The following TMCC1 variants were observed in gnomAD, a reference collection of about 807,000 sequenced individuals.
TMCC1 encodes the protein transmembrane and coiled-coil domains protein 1.
Under a neutral mutation model 52.4 loss-of-function variants are expected in TMCC1, and 15 were observed. That is an observed-to-expected ratio of 0.29 (90% CI 0.19 to 0.44). TMCC1 has a LOEUF of 0.44. TMCC1 is among the 20% of genes least tolerant of loss of function. TMCC1 has a pLI of 1.00. For missense variants in TMCC1, 503 were observed against 806.0 expected, an observed-to-expected ratio of 0.62 and a Z score of 4.55; for synonymous variants, 279 against 301.9, an observed-to-expected ratio of 0.92 and a Z score of 0.79.
chr3:129,845,579 T>C (rs1392578342), intron 2 of TMCC1, among the ~76,000 whole-genome samples: 2 of 152,254 alleles, frequency 1.3e-5, no homozygotes, highest in South Asian at 2.1e-4. Flanking sequence ...ATATATACTA[T>C]CAAAACAAAT....
chr3:129,875,515 A>G (rs909074897), intron 2 of TMCC1, among the ~76,000 whole-genome samples: 1 of 150,160 alleles, frequency 6.7e-6, no homozygotes, highest in East Asian at 1.9e-4. Flanking sequence ...AAAAAAAAAA[A>G]ACAACACAAA....
intron 4 of TMCC1, among the ~76,000 whole-genome samples, chr3:129,730,923 C>T (rs938838321): frequency 4.6e-5 from 7 of 152,182 alleles, no homozygotes; most frequent in African/African-American, 1.7e-4. Flanking sequence ...TGTGGTTTCA[C>T]TAAATTCTAC....
intron 4 of TMCC1, among the ~76,000 whole-genome samples, chr3:129,743,177 G>GGTCCCCT (rs1365027534): frequency 6.6e-6 from 1 of 152,120 alleles, no homozygotes; most frequent in Non-Finnish European, 1.5e-5. Context: ...GAGGTGTATG[G>GGTCCCCT]TATAAGAATT....
At chr3:129,883,236 C>T (rs968483434) in intron 1 of TMCC1, among the ~76,000 whole-genome samples, 21 of 152,148 alleles carry the variant, frequency 1.4e-4, no homozygotes, top group Non-Finnish European at 1.2e-4. Flanking sequence ...CGCTTGAACC[C>T]GGGAGGCGGA....
At chr3:129,726,239 T>A (rs74900042) in intron 4 of TMCC1, among the ~76,000 whole-genome samples, 1 of 152,304 alleles carries the variant, frequency 6.6e-6, no homozygotes, top group Non-Finnish European at 1.5e-5. Context: ...TAGAAGGGCT[T>A]CGTATTTATT....
At chr3:129,776,831 C>T (rs913233857) in intron 4 of TMCC1, among the ~76,000 whole-genome samples, 1 of 152,058 alleles carries the variant, frequency 6.6e-6, no homozygotes, top group African/African-American at 2.4e-5. Flanking sequence ...GATGGGTTCT[C>T]ACTATATTGC....
intron 4 of TMCC1, among the ~76,000 whole-genome samples, chr3:129,772,116 T>G (rs1007702878): frequency 1.3e-5 from 2 of 152,176 alleles, no homozygotes; most frequent in Non-Finnish European, 2.9e-5. Flanking sequence ...CCCACCACTT[T>G]GGAAGGCCAA....
At chr3:129,661,531 C>A (rs772376485) in intron 5 of TMCC1, among the ~76,000 whole-genome samples, 3 of 152,160 alleles carry the variant, frequency 2.0e-5, no homozygotes, top group Non-Finnish European at 4.4e-5. Flanking sequence ...TTGGCTTGTG[C>A]CTGTTATTAG....
intron 4 of TMCC1, among the ~76,000 whole-genome samples, chr3:129,732,573 A>T (rs2050628271): frequency 6.6e-6 from 1 of 152,144 alleles, no homozygotes; most frequent in South Asian, 2.1e-4. Context: ...GGTCAATGGG[A>T]TTCCCCTTTC....
intron 4 of TMCC1, among the ~76,000 whole-genome samples, chr3:129,823,655 C>A (rs746230992): frequency 6.6e-6 from 1 of 151,958 alleles, no homozygotes; most frequent in African/African-American, 2.4e-5. Flanking sequence ...AACAAAAAAA[C>A]AGTCTGCAAT....
Position 129,828,178 on chromosome 3 carries a change from T to C in TMCC1, c.201A>G (p.Pro67=). Residue 67 remains proline, a synonymous_variant, in exon 4 of 7, where the codon CCA becomes CCG. Coordinates refer to ENST00000393238, the MANE Select transcript of TMCC1 (RefSeq NM_001017395.5). The surrounding 1 kb of genome is among the most constrained non-coding windows in gnomAD (Gnocchi z 4.1). ...QHQRRRSSVS[P]HDVQQIQADP... The stretch of plus-strand genomic sequence containing the variant: ...CTGCCTGAATTTGCTGCACATCATG[T>C]GGAGACACTGATGACCTCCTGCGCT... The C allele has an allele frequency of 6.2e-7, 1 of 1,614,164 alleles. No individual in the cohort carries two copies. The highest frequency in any genetic ancestry group is 1.1e-5 in the South Asian group (1 of 91,080).
chr3:129,723,352 ATC>A (rs1457294233), intron 4 of TMCC1, among the ~76,000 whole-genome samples: 2 of 142,238 alleles, frequency 1.4e-5, no homozygotes, highest in Non-Finnish European at 3.0e-5. Flanking sequence ...GCACTAAGAA[ATC>A]TTTTTCTTTT....
chr3:129,727,576 C>T (rs2050204298), intron 4 of TMCC1, among the ~76,000 whole-genome samples: 1 of 152,122 alleles, frequency 6.6e-6, no homozygotes, highest in African/African-American at 2.4e-5. Context: ...AAATAACAGG[C>T]AATCTTCAAT....
intron 4 of TMCC1, among the ~76,000 whole-genome samples, chr3:129,721,598 T>C (rs995348587): frequency 1.3e-5 from 2 of 151,094 alleles, no homozygotes; most frequent in Admixed American, 6.6e-5. Flanking sequence ...TAGTGGCTCA[T>C]GTCTATAATC....
intron 4 of TMCC1, among the ~76,000 whole-genome samples, chr3:129,726,772 G>C (rs2050119966): frequency 6.8e-6 from 1 of 147,692 alleles, no homozygotes; most frequent in Non-Finnish European, 1.5e-5. Flanking sequence ...TCGGCTACTT[G>C]GGAGGCTGAG....
At chr3:129,824,663 T>C (rs928354275) in intron 4 of TMCC1, among the ~76,000 whole-genome samples, 3 of 149,172 alleles carry the variant, frequency 2.0e-5, no homozygotes, top group Non-Finnish European at 4.6e-5. Context: ...ACGTAAAGTA[T>C]CTTTAAGGGA....
chr3:129,762,654 CA>C (rs1277460367), intron 4 of TMCC1, among the ~76,000 whole-genome samples: 3 of 151,986 alleles, frequency 2.0e-5, no homozygotes, highest in Non-Finnish European at 4.4e-5. Flanking sequence ...TGGTGGTGCA[CA>C]CCTATGGTCC....
At chr3:129,781,434 AC>A (rs1378223925) in intron 4 of TMCC1, among the ~76,000 whole-genome samples, 1 of 151,788 alleles carries the variant, frequency 6.6e-6, no homozygotes, top group African/African-American at 2.4e-5. Flanking sequence ...TACCTTTCAA[AC>A]CTCATCTCCT....
At chr3:129,743,935 TAAAAAA>T (rs748095065) in intron 4 of TMCC1, among the ~76,000 whole-genome samples, 1 of 141,624 alleles carries the variant, frequency 7.1e-6, no homozygotes, top group African/African-American at 2.6e-5. Context: ...TGCACTTGTT[TAAAAAA>T]AAAAAAAAGA....
Sources: gnomAD v4.1 joint callset for allele counts (sites outside exome capture counted in the v4.1 genomes callset) on GRCh38, gnomAD v4.1.1 for gene constraint, Gnocchi (gnomAD v3.1) non-coding constraint, MANE v1.5 for transcripts, NCBI Gene and HGNC (gene_info 2026-07-23, HGNC 2026-07-21) for gene names.